The following C3orf20 variants were observed in gnomAD, a reference collection of about 807,000 sequenced individuals.
C3orf20 encodes the protein uncharacterized protein C3orf20.
Under a neutral mutation model 88.3 loss-of-function variants are expected in C3orf20, and 76 were observed. The observed-to-expected ratio is 0.86, with a 90% confidence interval of 0.72 to 1.04. The LOEUF (loss-of-function observed/expected upper bound fraction) is 1.04, where lower values mean the gene tolerates loss of function less well. C3orf20 is among the 50% of genes least tolerant of loss of function. The probability of loss-of-function intolerance (pLI) is 0.00; values close to 1 mark genes in which losing one functional copy is unlikely to be tolerated. For missense variants in C3orf20, 1,056 were observed against 1,123.3 expected (o/e 0.94, Z 0.86); for synonymous variants, 436 against 437.4 (o/e 1.00, Z 0.04).
intron 10 of C3orf20, chr3:14,722,220 T>C: frequency 3.1e-6 from 1 of 320,222 alleles, no homozygotes; most frequent in South Asian, 2.8e-5. Context: ...TGGGCTATTA[T>C]TATACCAGCT....
intron 7 of C3orf20, among the ~76,000 whole-genome samples, chr3:14,710,194 T>A (rs1289715772): frequency 1.3e-5 from 2 of 152,038 alleles, no homozygotes; most frequent in East Asian, 1.9e-4. Context: ...TTTTTTTTTT[T>A]ATTTCTGTAA....
chr3:14,762,134 C>A (rs573596005), intron 15 of C3orf20, among the ~76,000 whole-genome samples: 1 of 152,108 alleles, frequency 6.6e-6, no homozygotes, highest in Non-Finnish European at 1.5e-5. Flanking sequence ...TACAGTGACG[C>A]GATCATAGCT....
chr3:14,733,264 T>C (rs1351438303), intron 12 of C3orf20, among the ~76,000 whole-genome samples: 1 of 152,194 alleles, frequency 6.6e-6, no homozygotes, highest in Non-Finnish European at 1.5e-5. Flanking sequence ...TGGTGAATTA[T>C]ATAGATATTA....
intron 5 of C3orf20, among the ~76,000 whole-genome samples, chr3:14,691,441 A>G (rs1314363295): frequency 2.0e-5 from 3 of 152,196 alleles, no homozygotes; most frequent in Non-Finnish European, 2.9e-5. Context: ...TTTTCTGCGT[A>G]ATGAACTTGA....
At chr3:14,752,044 A>G (rs2035233594) in intron 12 of C3orf20, among the ~76,000 whole-genome samples, 1 of 152,250 alleles carries the variant, frequency 6.6e-6, no homozygotes, top group Admixed American at 6.5e-5. Context: ...AGCAAAAAGA[A>G]CAAAGCTGGA....
In C3orf20 at chr3:14,716,768, C is replaced by T. The variant is rs200974505; in HGVS notation, c.1434+1359C>T. 1.6e-3 allele frequency among the ~76,000 whole-genome samples: 251 copies of T among 152,312 alleles called. 1 individual carries two copies. The highest frequency in any genetic ancestry group is 2.6e-3 in the Non-Finnish European group (174 of 68,026). On this transcript the variant is annotated intron_variant, in intron 9 of 16. Transcript: ENST00000253697. ...TGGTAATTAATGTCAGGAAGAGGTTCTCATCTCTGGCTGCGTATCAGAGTC... is the reference window on the plus strand; with the variant it reads ...TGGTAATTAATGTCAGGAAGAGGTTTTCATCTCTGGCTGCGTATCAGAGTC...
At chr3:14,690,557 G>A (rs1575095138) in intron 5 of C3orf20, among the ~76,000 whole-genome samples, 1 of 152,186 alleles carries the variant, frequency 6.6e-6, no homozygotes, top group Non-Finnish European at 1.5e-5. Flanking sequence ...CCCAAATTGG[G>A]CAAGTTTTTA....
At chr3:14,720,858 A>G (rs1226167437) in intron 9 of C3orf20, among the ~76,000 whole-genome samples, 1 of 152,240 alleles carries the variant, frequency 6.6e-6, no homozygotes, top group Non-Finnish European at 1.5e-5. Context: ...TTTGATCCTA[A>G]TAATAGCCGT....
At chr3:14,750,433 G>A (rs1480919600) in intron 12 of C3orf20, among the ~76,000 whole-genome samples, 1 of 151,994 alleles carries the variant, frequency 6.6e-6, no homozygotes, top group Non-Finnish European at 1.5e-5. Flanking sequence ...TCACGTGCCT[G>A]TCATCCTAGC....
Position 14,703,149 on chromosome 3 carries a change from A to T in C3orf20, c.765A>T (p.Glu255Asp). 6.2e-7 allele frequency: 1 copy of T among 1,614,172 alleles called. No homozygotes were observed. Residue 255 changes from glutamate to aspartate, a missense_variant, in exon 6 of 17, where the codon GAA becomes GAT. Glu to Asp is a conservative substitution (Grantham distance 45). Coordinates refer to ENST00000253697, the MANE Select transcript of C3orf20 (RefSeq NM_032137.5). ...KKKIGKSRTT[E>D]DVSMPPLHRG... ...CTACAGGCAAATCTAGAACTACAGA[A>T]GATGTCAGCATGCCGCCCCTGCATC... is the stretch of plus-strand genomic sequence containing the variant.
chr3:14,731,432 T>G lies in C3orf20; in HGVS notation c.1940+2744T>G, dbSNP rs138578303. Among the ~76,000 whole-genome samples the G allele has an allele frequency of 8.8e-3, 1,342 of 152,204 alleles. 11 individuals are homozygous for G. Among genetic ancestry groups the G allele is most frequent in the Non-Finnish European group, 0.014 (960 of 67,998 alleles). ...CTCATTATATAGTTGTATTCACGGA[T>G]AAGGTTTATTATAATGGAAGGACAC... On this transcript the variant is annotated intron_variant, in intron 12 of 16. Transcript: ENST00000253697.
intron 7 of C3orf20, among the ~76,000 whole-genome samples, chr3:14,712,435 T>G (rs575403508): frequency 6.6e-6 from 1 of 152,320 alleles, no homozygotes; most frequent in South Asian, 2.1e-4. Context: ...CCATCCAGTT[T>G]ATCGTACTTT....
Position 14,684,282 on chromosome 3 carries a change from G to A in C3orf20, c.525G>A (p.Glu175=), listed in dbSNP as rs1322394385. 9 of 1,614,058 alleles carry A rather than the reference G, an allele frequency of 5.6e-6. No individual in the cohort carries two copies. The highest frequency in any genetic ancestry group is 3.3e-4 in the Middle Eastern group (2 of 6,084). The change falls in exon 4 of 17, where the codon GAG becomes GAA. Residue 175 remains glutamate (E), a synonymous_variant. Transcript: ENST00000253697. ...TGGACATCACCAGGCGCTTTGTGGA[G>A]GCCAGCCAGCTCCTCCACCTCAATG... is the stretch of plus-strand genomic sequence containing the variant. ...NPLDITRRFV[E]ASQLLHLNAK... is the part of the protein sequence containing the mutation.
intron 5 of C3orf20, among the ~76,000 whole-genome samples, chr3:14,700,905 T>C (rs961598162): frequency 6.6e-6 from 1 of 152,266 alleles, no homozygotes; most frequent in East Asian, 1.9e-4. Context: ...CTGACAGTTC[T>C]GGGGCCAGGC....
intron 7 of C3orf20, among the ~76,000 whole-genome samples, chr3:14,713,008 GA>G (rs2124956724): frequency 6.6e-6 from 1 of 152,216 alleles, no homozygotes; most frequent in South Asian, 2.1e-4. Flanking sequence ...TTTCTGATGA[GA>G]AATCAGCCAT....
intron 12 of C3orf20, among the ~76,000 whole-genome samples, chr3:14,736,477 G>A (rs2125001961): frequency 6.6e-6 from 1 of 152,040 alleles, no homozygotes; most frequent in Non-Finnish European, 1.5e-5. Context: ...TTTTAGTAGA[G>A]ATGAGATTTC....
chr3:14,721,769 G>A lies in C3orf20; in HGVS notation c.1551G>A (p.Met517Ile). 1 of 1,614,194 alleles carries A rather than the reference G, an allele frequency of 6.2e-7. No individual in the cohort carries two copies. The highest frequency in any genetic ancestry group is 2.2e-5 in the East Asian group (1 of 44,874). ...CGGCCAACAATTGTCCCCATGGAATGGCATATGACAAACGGGTAAGGCAAG... is the reference window on the plus strand; with the variant it reads ...CGGCCAACAATTGTCCCCATGGAATAGCATATGACAAACGGGTAAGGCAAG... ...TVSANNCPHGMAYDKRLNRRI... is the reference protein window; with the variant it reads ...TVSANNCPHGIAYDKRLNRRI... Residue 517 changes from methionine (M) to isoleucine (I), a missense_variant, in exon 10 of 17, where the codon ATG (methionine) becomes ATA (isoleucine). Transcript: ENST00000253697.
At chr3:14,722,536 A>G (rs1380112415) in intron 10 of C3orf20, 4 of 456,388 alleles carry the variant, frequency 8.8e-6, no homozygotes, top group Non-Finnish European at 1.8e-5. Context: ...CATGTTGATG[A>G]CCCTCTCTCT....
At chr3:14,728,337 T>C in intron 11 of C3orf20, 102 bp from the exon 12 acceptor site, 1 of 1,426,422 alleles carries the variant, frequency 7.0e-7, no homozygotes, top group Non-Finnish European at 9.7e-7. Flanking sequence ...GGGGAGGAGA[T>C]GGGGGTGAGC....
Sources: gnomAD v4.1 joint callset for allele counts (sites outside exome capture counted in the v4.1 genomes callset) on GRCh38, gnomAD v4.1.1 for gene constraint, MANE v1.5 for transcripts, NCBI Gene and HGNC (gene_info 2026-07-23, HGNC 2026-07-21) for gene names.